GABRB3: variants seen among roughly 807,000 people sequenced by gnomAD.
The protein encoded by GABRB3 is gamma-aminobutyric acid type A receptor subunit beta3.
GABRB3 carries 14 observed loss-of-function variants against 52.1 expected under a neutral mutation model. The ratio of observed to expected loss-of-function variants is 0.27; its 90% CI spans 0.18 to 0.42. GABRB3 has a LOEUF of 0.42. Among genes scored for constraint, GABRB3 ranks in the 10% least tolerant of loss-of-function variants. GABRB3 has a pLI of 1.00. For missense variants in GABRB3, 307 were observed against 609.1 expected, an observed-to-expected ratio of 0.50 and a Z score of 5.22; for synonymous variants, 260 against 232.3, an observed-to-expected ratio of 1.12 and a Z score of -1.08.
At chr15:26,739,248 A>C (rs974872029) in intron 3 of GABRB3, among the ~76,000 whole-genome samples, 1 of 151,986 alleles carries the variant, frequency 6.6e-6, no homozygotes, top group African/African-American at 2.4e-5. Flanking sequence ...TGTCTACAGA[A>C]ACCCACACCA....
At chr15:26,662,125 T>C (rs1700866049) in intron 3 of GABRB3, among the ~76,000 whole-genome samples, 1 of 152,184 alleles carries the variant, frequency 6.6e-6, no homozygotes. Flanking sequence ...ACCTGTGCAG[T>C]GCATACAAAG....
At chr15:26,554,181 T>TATATATAAA in intron 8 of GABRB3, among the ~76,000 whole-genome samples, 2 of 27,568 alleles carry the variant, frequency 7.3e-5, no homozygotes, top group African/African-American at 2.0e-4. Context: ...ATAAAGTATA[T>TATATATAAA]ATATATATAC....
intron 3 of GABRB3, among the ~76,000 whole-genome samples, chr15:26,626,056 CA>C (rs1332494406): frequency 2.8e-4 from 42 of 152,314 alleles, no homozygotes; most frequent in African/African-American, 7.9e-4. Context: ...GTTTTTCCAA[CA>C]GCATATGCTC....
chr15:26,748,299 C>A (rs1308113040), intron 3 of GABRB3, among the ~76,000 whole-genome samples: 1 of 152,112 alleles, frequency 6.6e-6, no homozygotes, highest in Non-Finnish European at 1.5e-5. Flanking sequence ...AGTAATAATT[C>A]TTCTTTAAAT....
intron 3 of GABRB3, among the ~76,000 whole-genome samples, chr15:26,736,695 G>A (rs554852664): frequency 4.6e-5 from 7 of 152,350 alleles, no homozygotes; most frequent in African/African-American, 1.7e-4. Flanking sequence ...GGGTAGCTTT[G>A]TGACCTAAGA....
intron 3 of GABRB3, 79 bp downstream of exon 3, chr15:26,772,323 G>C: frequency 7.7e-7 from 1 of 1,296,968 alleles, no homozygotes; most frequent in East Asian, 2.6e-5. Context: ...AGAGGCCTCC[G>C]GCCCAGCACT....
chr15:26,615,111 C>A (rs1204042674), intron 4 of GABRB3: 1 of 181,444 alleles, frequency 5.5e-6, no homozygotes, highest in Non-Finnish European at 1.1e-5. Context: ...ATCCGAGGGC[C>A]AAGAGACTGA....
At chr15:26,583,020 G>A (rs1890843818) in intron 5 of GABRB3, among the ~76,000 whole-genome samples, 1 of 152,072 alleles carries the variant, frequency 6.6e-6, no homozygotes. Flanking sequence ...CAGCAGTGCA[G>A]CCACTCATGA....
chr15:26,599,059 G>C (rs1891494019), intron 4 of GABRB3, among the ~76,000 whole-genome samples: 1 of 152,094 alleles, frequency 6.6e-6, no homozygotes, highest in African/African-American at 2.4e-5. Flanking sequence ...GCTTGACCCA[G>C]GAAGTCAAGA....
intron 3 of GABRB3, among the ~76,000 whole-genome samples, chr15:26,720,243 C>G (rs1467187924): frequency 1.3e-5 from 2 of 152,092 alleles, no homozygotes; most frequent in Non-Finnish European, 2.9e-5. Flanking sequence ...CACTGACTCT[C>G]TTTTCAGACT....
chr15:26,615,719 T>C (rs1239857470), intron 4 of GABRB3: 1 of 1,088,158 alleles, frequency 9.2e-7, no homozygotes, highest in African/African-American at 1.6e-5. Context: ...GCTGTTCCCA[T>C]AATGGCTGGG....
At chr15:26,752,805 T>C (rs1049152902) in intron 3 of GABRB3, among the ~76,000 whole-genome samples, 1 of 152,098 alleles carries the variant, frequency 6.6e-6, no homozygotes, top group Admixed American at 6.5e-5. Context: ...CGCTGTACAG[T>C]AGCTCTCCAG....
chr15:26,725,223 A>C (rs1465052692), intron 3 of GABRB3, among the ~76,000 whole-genome samples: 2 of 152,182 alleles, frequency 1.3e-5, no homozygotes, highest in Admixed American at 1.3e-4. Flanking sequence ...CCTTGTGAGG[A>C]GTTTCAACTG....
intron 4 of GABRB3, among the ~76,000 whole-genome samples, chr15:26,616,291 C>G (rs892810589): frequency 6.6e-6 from 1 of 152,034 alleles, no homozygotes; most frequent in Non-Finnish European, 1.5e-5. Context: ...TATAGGATAG[C>G]AAAGAATATG....
rs745971942 is a variant in GABRB3, at chr15:26,599,470, C to T, written c.462-16056G>A. On this transcript the variant is annotated intron_variant, in intron 4 of 8. Coordinates refer to ENST00000311550, the MANE Select transcript of GABRB3 (RefSeq NM_000814.6). ...AGCAAAAGGGCCCAGCCAGGGAATA[C>T]AGTCCATAACCAGCCTGACCAGGAA... 2.9e-4 allele frequency among the ~76,000 whole-genome samples: 44 copies of T among 152,220 alleles called. 1 individual carries two copies. Among genetic ancestry groups the T allele is most frequent in the South Asian group, 2.1e-4 (1 of 4,836 alleles).
chr15:26,583,230 T>A, intron 5 of GABRB3, 102 bp downstream of exon 5: 2 of 896,400 alleles, frequency 2.2e-6, no homozygotes, highest in South Asian at 1.4e-5. Context: ...CCTCTTTCTA[T>A]GTCAAAAAAA....
chr15:26,572,753 G>A (rs1035571388), intron 6 of GABRB3, among the ~76,000 whole-genome samples: 2 of 152,122 alleles, frequency 1.3e-5, no homozygotes, highest in African/African-American at 2.4e-5. Flanking sequence ...ACTGAAATGC[G>A]CTGAAGCCCT....
chr15:26,693,575 T>A (rs933256870), intron 3 of GABRB3, among the ~76,000 whole-genome samples: 7 of 152,126 alleles, frequency 4.6e-5, no homozygotes, highest in Non-Finnish European at 8.8e-5. Flanking sequence ...GTAAAGAGCC[T>A]GAAGTTCATC....
At chr15:26,746,557 C>A (rs1890345272) in intron 3 of GABRB3, among the ~76,000 whole-genome samples, 1 of 147,730 alleles carries the variant, frequency 6.8e-6, no homozygotes, top group South Asian at 2.1e-4. Context: ...CGAAGTTTTA[C>A]ATTTTACATT....
Sources: allele counts gnomAD v4.1 joint callset (sites outside exome capture counted in the v4.1 genomes callset), GRCh38; gene constraint gnomAD v4.1.1; transcripts MANE v1.5; gene names NCBI Gene and HGNC (gene_info 2026-07-23, HGNC 2026-07-21).